LINGO2: variants seen among roughly 807,000 people sequenced by gnomAD.
LINGO2 encodes leucine-rich repeat and immunoglobulin-like domain-containing nogo receptor-interacting protein 2.
A neutral mutation model predicts 30.6 loss-of-function variants in LINGO2; 14 were observed. The observed-to-expected ratio is 0.46, with a 90% confidence interval of 0.30 to 0.72. The LOEUF is 0.72. Among genes scored for constraint, LINGO2 ranks in the 30% least tolerant of loss-of-function variants. The probability of loss-of-function intolerance (pLI) is 0.07; values close to 1 mark genes in which losing one functional copy is unlikely to be tolerated. For missense variants in LINGO2, 729 were observed against 751.7 expected (o/e 0.97, Z 0.35); for synonymous variants, 317 against 288.5 (o/e 1.10, Z -1.00).
chr9:28,857,487 A>G, the LINGO2 span, among the ~76,000 whole-genome samples: 1 of 152,070 alleles, frequency 6.6e-6, no homozygotes, highest in Non-Finnish European at 1.5e-5. Context: ...TACAGGGATT[A>G]AGTGGTAGAA....
chr9:28,918,891 C>T, the LINGO2 span, among the ~76,000 whole-genome samples: 1 of 152,110 alleles, frequency 6.6e-6, no homozygotes, highest in Admixed American at 6.6e-5. Flanking sequence ...ACCCTATTAG[C>T]TCATTGTATG....
chr9:29,070,630 C>T, the LINGO2 span, among the ~76,000 whole-genome samples: 1 of 151,714 alleles, frequency 6.6e-6, no homozygotes. Context: ...ATGAGTTTTC[C>T]AGAGACAACC....
intron 1 of LINGO2, among the ~76,000 whole-genome samples, chr9:28,549,770 CAG>C (rs1207216969): frequency 1.3e-5 from 2 of 151,624 alleles, no homozygotes; most frequent in Non-Finnish European, 2.9e-5. Flanking sequence ...TTACATATAA[CAG>C]ATAAATTTTA....
At chr9:28,341,048 A>G (rs1825749561) in intron 3 of LINGO2, among the ~76,000 whole-genome samples, 1 of 152,132 alleles carries the variant, frequency 6.6e-6, no homozygotes, top group Admixed American at 6.6e-5. Context: ...AAGGCAAGCA[A>G]GGACTAGTTT....
intron 3 of LINGO2, among the ~76,000 whole-genome samples, chr9:28,301,010 A>T (rs1476458331): frequency 6.6e-6 from 1 of 152,046 alleles, no homozygotes; most frequent in East Asian, 1.9e-4. Context: ...AATACTTCAT[A>T]TACTCTGAGT....
At chr9:28,955,834 G>A in the LINGO2 span, among the ~76,000 whole-genome samples, 1 of 151,974 alleles carries the variant, frequency 6.6e-6, no homozygotes, top group Non-Finnish European at 1.5e-5. Flanking sequence ...GTAGAGATAA[G>A]GTCTTGCTAT....
At chr9:29,057,806 G>T in the LINGO2 span, among the ~76,000 whole-genome samples, 1 of 152,048 alleles carries the variant, frequency 6.6e-6, no homozygotes, top group Admixed American at 6.6e-5. Flanking sequence ...GCTTGCACAG[G>T]GTTGGGAGAT....
chr9:29,019,202 G>A, the LINGO2 span, among the ~76,000 whole-genome samples: 21 of 152,098 alleles, frequency 1.4e-4, no homozygotes, highest in Admixed American at 1.3e-3. Flanking sequence ...TGTACTGCAA[G>A]GCATGTGTTT....
intron 4 of LINGO2, among the ~76,000 whole-genome samples, chr9:28,048,555 C>G (rs1587765897): frequency 1.3e-5 from 2 of 150,802 alleles, no homozygotes; most frequent in Admixed American, 1.3e-4. Flanking sequence ...TTATAGTGAT[C>G]TTATAAATTG....
chr9:28,235,905 G>C (rs187321004), intron 4 of LINGO2, among the ~76,000 whole-genome samples: 48 of 152,246 alleles, frequency 3.2e-4, no homozygotes, highest in Non-Finnish European at 5.7e-4. Flanking sequence ...TAGAGGTAGA[G>C]AGTTTATTTA....
At chr9:27,989,389 G>A (rs944954870) in intron 5 of LINGO2, among the ~76,000 whole-genome samples, 1 of 151,618 alleles carries the variant, frequency 6.6e-6, no homozygotes, top group Non-Finnish European at 1.5e-5. Context: ...CATCTTCAAA[G>A]CATATAGTTT....
the LINGO2 span, among the ~76,000 whole-genome samples, chr9:28,994,392 T>C: frequency 6.6e-6 from 1 of 152,078 alleles, no homozygotes; most frequent in African/African-American, 2.4e-5. Flanking sequence ...TGGAAGAACA[T>C]TCCATGCTTA....
At chr9:28,898,772 G>A in the LINGO2 span, among the ~76,000 whole-genome samples, 1 of 152,158 alleles carries the variant, frequency 6.6e-6, no homozygotes, top group Admixed American at 6.6e-5. Flanking sequence ...ACCTACCAGA[G>A]AGTGGAGGAT....
chr9:28,964,539 G>T, the LINGO2 span, among the ~76,000 whole-genome samples: 4 of 151,966 alleles, frequency 2.6e-5, no homozygotes, highest in Admixed American at 2.0e-4. Context: ...AAGAGCTGGG[G>T]TGTTATTCTG....
intron 3 of LINGO2, among the ~76,000 whole-genome samples, chr9:28,360,245 C>G (rs537130216): frequency 4.3e-4 from 65 of 152,238 alleles, no homozygotes; most frequent in African/African-American, 1.5e-3. Context: ...CTTTCAGATG[C>G]TAGAGCACTA....
chr9:29,059,576 A>T, the LINGO2 span, among the ~76,000 whole-genome samples: 2 of 151,866 alleles, frequency 1.3e-5, no homozygotes. Context: ...ATTAGACACA[A>T]ATATATCATC....
intron 4 of LINGO2, among the ~76,000 whole-genome samples, chr9:28,022,908 G>T (rs1173461890): frequency 6.6e-6 from 1 of 151,690 alleles, no homozygotes; most frequent in African/African-American, 2.4e-5. Context: ...GGCTTCTATT[G>T]TGACTTATCT....
intron 5 of LINGO2, among the ~76,000 whole-genome samples, chr9:28,007,936 G>A (rs778101818): frequency 2.6e-5 from 4 of 152,158 alleles, no homozygotes; most frequent in Non-Finnish European, 5.9e-5. Flanking sequence ...AGTTCAGCAG[G>A]TGAGTTCTTC....
Position 28,070,637 on chromosome 9 carries a change from C to T in LINGO2, c.-86-58232G>A, listed in dbSNP as rs1825445697. 2.6e-5 allele frequency among the ~76,000 whole-genome samples: 4 copies of T among 152,196 alleles called. No individual in the cohort carries two copies. In the South Asian group the frequency reaches 8.3e-4, roughly 32 times the overall value. ...CATTAGAAGTAACAAATTACTGTGG[C>T]AAATCTTATAACTACTGTAATTATT... On this transcript the variant is annotated intron_variant, in intron 4 of 5. Transcript: ENST00000379992.
Sources: allele counts gnomAD v4.1 joint callset (sites outside exome capture counted in the v4.1 genomes callset), GRCh38; gene constraint gnomAD v4.1.1; transcripts MANE v1.5; gene names NCBI Gene and HGNC (gene_info 2026-07-23, HGNC 2026-07-21).